The following CNTRL variants were observed in gnomAD, a reference collection of about 807,000 sequenced individuals.
CNTRL encodes centriolin.
Under a neutral mutation model 303.7 loss-of-function variants are expected in CNTRL, and 233 were observed. The ratio of observed to expected loss-of-function variants is 0.77; its 90% CI spans 0.69 to 0.86. CNTRL has a LOEUF of 0.86. Among genes scored for constraint, CNTRL ranks in the 40% least tolerant of loss-of-function variants. The pLI, the probability that CNTRL is intolerant of heterozygous loss-of-function variation, is 0.00. For missense variants in CNTRL, 2,524 were observed against 2,650.6 expected (o/e 0.95, Z 1.05); for synonymous variants, 900 against 922.2 (o/e 0.98, Z 0.44).
In CNTRL at chr9:121,150,491, G is replaced by C. The variant is rs2052165000; in HGVS notation, c.3963+8G>C. The C allele has an allele frequency of 1.9e-6, 3 of 1,612,818 alleles. No individual in the cohort carries two copies. Among genetic ancestry groups the C allele is most frequent in the Admixed American group, 1.7e-5 (1 of 59,998 alleles). On this transcript the variant is annotated splice_region_variant and intron_variant, in intron 25 of 43. Transcript: ENST00000373855. Reference sequence around the variant, plus strand: ...CCTGAACACCATAACTTAGTAAGTGGAAAGACATACAACTCTCTTTCCACA... The same window carrying C: ...CCTGAACACCATAACTTAGTAAGTGCAAAGACATACAACTCTCTTTCCACA...
chr9:121,124,115 C>T (rs1396743271), intron 13 of CNTRL, 31 bp downstream of exon 13: 1 of 1,566,634 alleles, frequency 6.4e-7, no homozygotes, highest in Admixed American at 1.9e-5. Context: ...TAAGGTAAAT[C>T]AGTGTTATTG....
At position 121,103,168 on chromosome 9, in the gene CNTRL, A is replaced by C. The variant is rs947689795; in HGVS notation, c.808+4596A>C. ...AAACTATACTACAAGGCTACAGTAA[A>C]CAAAACAGCATGGTACTGGTACCAA... is the stretch of plus-strand genomic sequence containing the variant. On this transcript the variant is annotated intron_variant, in intron 7 of 43. Transcript: ENST00000373855. Among the ~76,000 whole-genome samples, 463 of 152,118 alleles carry C rather than the reference A, an allele frequency of 3.0e-3. 1 individual carries two copies. Among genetic ancestry groups the C allele is most frequent in the African/African-American group, 0.01 (434 of 41,434 alleles).
chr9:121,088,654 T>G, intron 3 of CNTRL, 111 bp downstream of exon 3: 1 of 645,864 alleles, frequency 1.5e-6, no homozygotes, highest in East Asian at 2.7e-5. Flanking sequence ...TAATTTGATC[T>G]ATTGTTTTTA....
chr9:121,165,202 T>G, intron 35 of CNTRL, 102 bp downstream of exon 35: 2 of 1,127,310 alleles, frequency 1.8e-6, no homozygotes, highest in Non-Finnish European at 2.5e-6. Context: ...AGCATGGTGT[T>G]TCTTTCTAAA....
chr9:121,177,332 A>C lies in CNTRL; in HGVS notation c.*146A>C, dbSNP rs554940740. 1.5e-6 allele frequency: 1 copy of C among 658,006 alleles called. No homozygotes were observed. Among genetic ancestry groups the C allele is most frequent in the African/African-American group, 1.8e-5 (1 of 54,486 alleles). The allele number at this position is 658,006 out of a possible 1,614,324, so 40.8% of individuals were successfully genotyped here. A position where few individuals can be genotyped will look rare whatever the true frequency, so the allele number is the denominator to read the frequency against. ...CACTGTAGTTTACTTTGCCTGTACC[A>C]TTAATGCCAATGTTTTTATAAATCA... is the stretch of plus-strand genomic sequence containing the variant. On this transcript the variant is annotated 3_prime_UTR_variant, in exon 44 of 44. Coordinates refer to ENST00000373855, the MANE Select transcript of CNTRL (RefSeq NM_007018.6).
At chr9:121,126,699 A>G (rs916715002) in intron 14 of CNTRL, among the ~76,000 whole-genome samples, 1 of 152,194 alleles carries the variant, frequency 6.6e-6, no homozygotes, top group African/African-American at 2.4e-5. Context: ...CTTTTATTAT[A>G]TATGTAAACA....
At chr9:121,109,770 T>C (rs1157253646) in intron 8 of CNTRL, among the ~76,000 whole-genome samples, 5 of 152,172 alleles carry the variant, frequency 3.3e-5, no homozygotes, top group Non-Finnish European at 7.4e-5. Flanking sequence ...CTAGGTACTA[T>C]TATTTTGAAT....
At chr9:121,138,407 G>A (rs1251957762) in intron 15 of CNTRL, 138 bp from the exon 16 acceptor site, 3 of 792,742 alleles carry the variant, frequency 3.8e-6, no homozygotes, top group South Asian at 4.1e-5. Flanking sequence ...TTTTAAATTT[G>A]GGAGTACAAA....
Position 121,115,097 on chromosome 9 carries a change from C to T in CNTRL, c.1352C>T (p.Thr451Ile). The change falls in exon 11 of 44, where the codon ACT becomes ATT. Residue 451 changes from threonine to isoleucine, a missense_variant. Transcript: ENST00000373855. Reference protein sequence around the residue: ...DKEKKISAAQTRLSELHDEIE... With the variant: ...DKEKKISAAQIRLSELHDEIE... The stretch of plus-strand genomic sequence containing the variant: ...ATGGTTTTTAAATTTGCAGCACAAA[C>T]TCGACTATCAGAACTGCATGATGAA... 6.3e-7 allele frequency: 1 copy of T among 1,587,760 alleles called. No individual in the cohort carries two copies. The highest frequency in any genetic ancestry group is 8.6e-7 in the Non-Finnish European group (1 of 1,167,878).
At chr9:121,124,262 T>TTTTTG (rs1318770108) in intron 13 of CNTRL, among the ~76,000 whole-genome samples, 178 bp downstream of exon 13, 1 of 152,200 alleles carries the variant, frequency 6.6e-6, no homozygotes, top group Non-Finnish European at 1.5e-5. Flanking sequence ...AAGAGTTTTG[T>TTTTTG]TTTTGTTTTG....
At chr9:121,139,296 G>C (rs1023698544) in intron 16 of CNTRL, among the ~76,000 whole-genome samples, 1 of 152,258 alleles carries the variant, frequency 6.6e-6, no homozygotes, top group South Asian at 2.1e-4. Flanking sequence ...GAACAAACAA[G>C]TACCTGAATC....
intron 27 of CNTRL, among the ~76,000 whole-genome samples, chr9:121,155,136 T>C (rs1186552620): frequency 6.6e-6 from 1 of 152,230 alleles, no homozygotes; most frequent in Non-Finnish European, 1.5e-5. Context: ...AGGCTAAGAA[T>C]ACGTAGGCTT....
chr9:121,132,923 G>C (rs1289504036), intron 14 of CNTRL, among the ~76,000 whole-genome samples: 2 of 152,186 alleles, frequency 1.3e-5, no homozygotes, highest in African/African-American at 4.8e-5. Flanking sequence ...GAGTTTGCTA[G>C]AGGTCCACTC....
chr9:121,079,709 G>C (rs988014891), intron 1 of CNTRL, among the ~76,000 whole-genome samples: 1 of 152,044 alleles, frequency 6.6e-6, no homozygotes, highest in African/African-American at 2.4e-5. Flanking sequence ...GGGGCATTTG[G>C]CTATATTGTA....
At position 121,090,376 on chromosome 9, in the gene CNTRL, C is replaced by T; in HGVS notation, c.319C>T (p.Leu107Phe). 6.2e-7 allele frequency: 1 copy of T among 1,611,796 alleles called. No individual in the cohort carries two copies. The highest frequency in any genetic ancestry group is 8.5e-7 in the Non-Finnish European group (1 of 1,179,180). Residue 107 changes from leucine to phenylalanine, a missense_variant, in exon 4 of 44, where the codon CTT (leucine) becomes TTT (phenylalanine). Leu to Phe is a conservative substitution (Grantham distance 22). Transcript: ENST00000373855. Reference sequence around the variant, plus strand: ...TTTGATAAAATCTCTGAACCTTTCACTTTCTAAAGACGGTGGCAAGAAATT... The same window carrying T: ...TTTGATAAAATCTCTGAACCTTTCATTTTCTAAAGACGGTGGCAAGAAATT... Reference protein sequence around the residue: ...LALIKSLNLSLSKDGGKKFKY... With the variant: ...LALIKSLNLSFSKDGGKKFKY...
rs147458613 is a variant in CNTRL, at chr9:121,173,443, C to T, written c.6618C>T (p.Asn2206=). The T allele has an allele frequency of 6.2e-7, 1 of 1,613,928 alleles. No individual in the cohort carries two copies. The highest frequency in any genetic ancestry group is 8.5e-7 in the Non-Finnish European group (1 of 1,179,986). The change falls in exon 41 of 44, where the codon AAC becomes AAT. Residue 2206 remains asparagine (N), a synonymous_variant. Coordinates refer to ENST00000373855, the MANE Select transcript of CNTRL (RefSeq NM_007018.6). The part of the protein sequence containing the change: ...LEGELESLKE[N]LPFTMNEGPF... ...GAGAATTGGAAAGCTTGAAAGAGAA[C>T]CTTCCATTTACCATGAATGAGGGAC...
intron 12 of CNTRL, among the ~76,000 whole-genome samples, chr9:121,120,005 G>T (rs947263797): frequency 6.6e-6 from 1 of 152,022 alleles, no homozygotes; most frequent in Admixed American, 6.6e-5. Flanking sequence ...CCAGGCTCTT[G>T]TCTCTGTCTC....
In CNTRL at chr9:121,173,484, T is replaced by G; in HGVS notation, c.6659T>G (p.Leu2220Arg). ...AATGAGGGACCTTTTGAAGAAAAAC[T>G]GAACTTTTCCCAAGTTCACATAATG... is the stretch of plus-strand genomic sequence containing the variant. ...TMNEGPFEEK[L>R]NFSQVHIMDE... Residue 2220 changes from leucine (L) to arginine (R), a missense_variant, in exon 41 of 44, where the codon CTG (leucine) becomes CGG (arginine). Leu to Arg is a moderately radical substitution (Grantham distance 102). Coordinates refer to ENST00000373855, the MANE Select transcript of CNTRL (RefSeq NM_007018.6). 3.7e-6 allele frequency: 6 copies of G among 1,613,426 alleles called. No homozygotes were observed. Among genetic ancestry groups the G allele is most frequent in the Non-Finnish European group, 5.1e-6 (6 of 1,179,924 alleles).
chr9:121,128,423 G>T (rs1202536843), intron 14 of CNTRL, among the ~76,000 whole-genome samples: 2 of 152,148 alleles, frequency 1.3e-5, no homozygotes, highest in Non-Finnish European at 2.9e-5. Context: ...TCATGTGTCT[G>T]TTGGCTGCAT....
Sources: allele counts gnomAD v4.1 joint callset (sites outside exome capture counted in the v4.1 genomes callset), GRCh38; gene constraint gnomAD v4.1.1; transcripts MANE v1.5; gene names NCBI Gene and HGNC (gene_info 2026-07-23, HGNC 2026-07-21).